The following TMC2 variants were observed in gnomAD, a reference collection of about 807,000 sequenced individuals.
TMC2 encodes transmembrane channel like 2, also known as transmembrane channel-like protein 2.
A neutral mutation model predicts 105.9 loss-of-function variants in TMC2; 102 were observed. The observed-to-expected ratio is 0.96, with a 90% CI of 0.82 to 1.14. The LOEUF (loss-of-function observed/expected upper bound fraction) is 1.14. TMC2 is among the 50% of genes most tolerant of loss of function. The pLI is 0.00. For synonymous variants in TMC2, 402 were observed against 422.8 expected (o/e 0.95, Z 0.60); for missense variants, 1,093 against 1,134.3 (o/e 0.96, Z 0.52).
At chr20:2,540,403 G>A (rs1018281575) in intron 2 of TMC2, among the ~76,000 whole-genome samples, 1 of 151,234 alleles carries the variant, frequency 6.6e-6, no homozygotes, top group South Asian at 2.1e-4. Flanking sequence ...GCTCATGACT[G>A]TAATCCCAGC....
intron 17 of TMC2, among the ~76,000 whole-genome samples, chr20:2,635,719 A>G (rs1330775017): frequency 6.6e-6 from 1 of 152,202 alleles, no homozygotes; most frequent in Non-Finnish European, 1.5e-5. Context: ...AGCTAGAGCT[A>G]TGTAGTTATG....
In TMC2 at chr20:2,537,297, G is replaced by C; in HGVS notation, c.63G>C (p.Lys21Asn). ...EARGGVKGRV[K>N]SGSPHTGDRL... ...GAGGCGGAGTGAAAGGGCGGGTGAA[G>C]AGCGGCTCTCCACACACAGGTGAGA... The change falls in exon 2 of 20, where the codon AAG becomes AAC. Residue 21 changes from lysine (K) to asparagine (N), a missense_variant. Coordinates refer to ENST00000358864, the MANE Select transcript of TMC2 (RefSeq NM_080751.3). 1.9e-6 allele frequency: 3 copies of C among 1,603,596 alleles called. No individual in the cohort carries two copies. The highest frequency in any genetic ancestry group is 1.7e-6 in the Non-Finnish European group (2 of 1,175,364).
rs755109660 is a variant in TMC2 at position 2,579,175 on chromosome 20, TA to T, written c.677del (p.Asn226IlefsTer11). ...GGGTCAAATTTAAGAGAGACTTTGATAATTTCAAGACTCAATGTATCCCCTG... is the reference window on the plus strand; with the variant it reads ...GGGTCAAATTTAAGAGAGACTTTGATATTTCAAGACTCAATGTATCCCCTG... ...KWVKFKRDFD[N>X]FKTQCIPWEM... On this transcript the variant is annotated frameshift_variant, in exon 6 of 20. Coordinates refer to ENST00000358864, the MANE Select transcript of TMC2 (RefSeq NM_080751.3). LOFTEE classifies it high-confidence loss of function. The T allele has an allele frequency of 3.8e-6, 6 of 1,598,760 alleles. No homozygotes were observed. The highest frequency in any genetic ancestry group is 8.6e-7 in the Non-Finnish European group (1 of 1,166,182).
chr20:2,562,143 G>A, intron 4 of TMC2, 133 bp downstream of exon 4: 1 of 1,155,882 alleles, frequency 8.7e-7, no homozygotes, highest in Non-Finnish European at 1.2e-6. Context: ...CAGCACTCAG[G>A]GAGCCCCATG....
At chr20:2,597,399 T>A in intron 10 of TMC2, 101 bp downstream of exon 10, 1 of 1,259,394 alleles carries the variant, frequency 7.9e-7, no homozygotes, top group East Asian at 2.5e-5. Flanking sequence ...GGTCCTCAAA[T>A]AATTTGTGGC....
In TMC2 at chr20:2,536,756, G is replaced by A. The variant is rs1555768864; in HGVS notation, c.34+101G>A. ...ATGGTGTTCAGAGGCATAGGGAGGAGCTGGGTTTGAGTCCAGGGCCTGTCC... is the reference window on the plus strand; with the variant it reads ...ATGGTGTTCAGAGGCATAGGGAGGAACTGGGTTTGAGTCCAGGGCCTGTCC... On this transcript the variant is annotated intron_variant, in intron 1 of 19. Transcript: ENST00000358864. The A allele has an allele frequency of 5.8e-6, 8 of 1,368,308 alleles. No homozygotes were observed. The South Asian group carries it at 1.0e-4, about 17-fold the overall frequency. The allele number at this position is 1,368,308 out of a possible 1,614,324, so 84.8% of individuals were successfully genotyped here. A position where few individuals can be genotyped will look rare whatever the true frequency, so the allele number is the denominator to read the frequency against.
Position 2,641,645 on chromosome 20 carries a change from C to A in TMC2, c.*294C>A. The A allele has an allele frequency of 3.1e-6, 1 of 325,096 alleles. No individual in the cohort carries two copies. Among genetic ancestry groups the A allele is most frequent in the Non-Finnish European group, 5.8e-6 (1 of 173,032 alleles). The allele number at this position is 325,096 out of a possible 1,614,324, so 20.1% of individuals were successfully genotyped here. On this transcript the variant is annotated 3_prime_UTR_variant, in exon 20 of 20. Coordinates refer to ENST00000358864, the MANE Select transcript of TMC2 (RefSeq NM_080751.3). ...GCTCACAGTGGTCGACCTTGCCTCC[C>A]GATTTTCGGAGTTGGGGAAGGGCCA...
At chr20:2,638,192 T>C (rs1488979424) in intron 19 of TMC2, among the ~76,000 whole-genome samples, 1 of 151,964 alleles carries the variant, frequency 6.6e-6, no homozygotes, top group Non-Finnish European at 1.5e-5. Context: ...ATACAAAAAA[T>C]TAGCCGGGCG....
rs2086698831 is a variant in TMC2 at position 2,642,990 on chromosome 20, A to C, written c.*1639A>C. On this transcript the variant is annotated 3_prime_UTR_variant, in exon 20 of 20. Coordinates refer to ENST00000358864, the MANE Select transcript of TMC2 (RefSeq NM_080751.3). ...AGCAATTTCATAAGCTGTACAATTAAAATAATTTCTAACTTCCCTCCCAAA... is the reference window on the plus strand; with the variant it reads ...AGCAATTTCATAAGCTGTACAATTACAATAATTTCTAACTTCCCTCCCAAA... 6.6e-6 allele frequency among the ~76,000 whole-genome samples: 1 copy of C among 152,208 alleles called. No homozygotes were observed. Among genetic ancestry groups the C allele is most frequent in the African/African-American group, 2.4e-5 (1 of 41,444 alleles).
intron 17 of TMC2, among the ~76,000 whole-genome samples, chr20:2,625,046 C>T (rs2086554561): frequency 6.6e-6 from 1 of 152,158 alleles, no homozygotes; most frequent in Admixed American, 6.5e-5. Context: ...ATCCCCGGTG[C>T]CAGCCTAATG....
chr20:2,559,945 C>G (rs2086013621), intron 3 of TMC2, among the ~76,000 whole-genome samples: 1 of 152,144 alleles, frequency 6.6e-6, no homozygotes, highest in South Asian at 2.1e-4. Context: ...CATGCCAAGG[C>G]ATTAGAGAGA....
chr20:2,583,525 T>G (rs1314124896), intron 7 of TMC2, among the ~76,000 whole-genome samples: 1 of 151,410 alleles, frequency 6.6e-6, no homozygotes, highest in Admixed American at 6.6e-5. Flanking sequence ...TGCAGTGGCA[T>G]GATCTCAGCT....
At chr20:2,555,653 T>C (rs779293970) in intron 2 of TMC2, among the ~76,000 whole-genome samples, 1 of 152,218 alleles carries the variant, frequency 6.6e-6, no homozygotes, top group Non-Finnish European at 1.5e-5. Flanking sequence ...ATTGATATAG[T>C]TGGGTTAATG....
At chr20:2,595,439 C>T (rs540379928) in intron 9 of TMC2, among the ~76,000 whole-genome samples, 168 of 152,200 alleles carry the variant, frequency 1.1e-3, no homozygotes, top group African/African-American at 3.6e-3. Context: ...GTGTTAGAAC[C>T]AAGGCTGGCA....
chr20:2,580,131 C>G (rs774418798), intron 7 of TMC2, 75 bp downstream of exon 7: 33 of 845,172 alleles, frequency 3.9e-5, no homozygotes, highest in Non-Finnish European at 5.9e-5. Flanking sequence ...CAACCAAATA[C>G]TTCCTGTTTT....
rs529905496 is a variant in TMC2 at position 2,592,938 on chromosome 20, C to T, written c.933+530C>T. On this transcript the variant is annotated intron_variant, in intron 8 of 19. Coordinates refer to ENST00000358864, the MANE Select transcript of TMC2 (RefSeq NM_080751.3). The surrounding 1 kb of genome is among the most constrained non-coding windows in gnomAD (Gnocchi z 4.9). ...CTCACCAACCACCCGCCACTGCCAT[C>T]CAACCAACCACTAAATCTGAACCTA... is the stretch of plus-strand genomic sequence containing the variant. Among the ~76,000 whole-genome samples the T allele has an allele frequency of 6.6e-6, 1 of 152,332 alleles. No individual in the cohort carries two copies. The highest frequency in any genetic ancestry group is 6.5e-5 in the Admixed American group (1 of 15,310).
At chr20:2,621,781 A>G (rs1442120985) in intron 16 of TMC2, among the ~76,000 whole-genome samples, 1 of 152,196 alleles carries the variant, frequency 6.6e-6, no homozygotes, top group East Asian at 1.9e-4. Flanking sequence ...TGGAAAGTTT[A>G]TAACTGTTAT....
intron 2 of TMC2, among the ~76,000 whole-genome samples, chr20:2,556,615 T>A (rs572641143): frequency 5.3e-5 from 8 of 152,212 alleles, no homozygotes; most frequent in African/African-American, 1.9e-4. Context: ...TAAAAAAAAA[T>A]TGTTTTTTAA....
At chr20:2,628,640 T>C (rs967038403) in intron 17 of TMC2, among the ~76,000 whole-genome samples, 1 of 152,180 alleles carries the variant, frequency 6.6e-6, no homozygotes, top group African/African-American at 2.4e-5. Flanking sequence ...CCCACTTTGC[T>C]CGGCACTTCT....
Sources: allele counts gnomAD v4.1 joint callset (sites outside exome capture counted in the v4.1 genomes callset), GRCh38; gene constraint gnomAD v4.1.1; non-coding constraint Gnocchi (gnomAD v3.1); transcripts MANE v1.5; gene names NCBI Gene and HGNC (gene_info 2026-07-23, HGNC 2026-07-21).